Variants in SPIDR observed in about 807,000 individuals in gnomAD.
SPIDR encodes the protein scaffold protein involved in DNA repair, also known as DNA repair-scaffolding protein.
A neutral mutation model predicts 104.6 loss-of-function variants in SPIDR; 93 were observed. The observed-to-expected ratio is 0.89, with a 90% CI of 0.75 to 1.06. SPIDR has a LOEUF of 1.06. Among genes scored for constraint, SPIDR ranks in the 50% least tolerant of loss-of-function variants. The pLI is 0.00. For missense variants in SPIDR, 1,154 were observed against 1,111.2 expected, an observed-to-expected ratio of 1.04 and a Z score of -0.55; for synonymous variants, 431 against 416.9, an observed-to-expected ratio of 1.03 and a Z score of -0.41.
chr8:47,492,065 T>C (rs1269094938), intron 8 of SPIDR, among the ~76,000 whole-genome samples: 2 of 151,024 alleles, frequency 1.3e-5, no homozygotes, highest in African/African-American at 4.9e-5. Context: ...CTCCCCAACC[T>C]GAAAAGAGAA....
At chr8:47,654,061 A>T in intron 10 of SPIDR, 1 of 1,289,652 alleles carries the variant, frequency 7.8e-7, no homozygotes, top group Non-Finnish European at 1.0e-6. Context: ...GGGGCGTGGT[A>T]GCAGCATCTT....
At chr8:47,552,068 T>C (rs554603034) in intron 8 of SPIDR, among the ~76,000 whole-genome samples, 2 of 152,304 alleles carry the variant, frequency 1.3e-5, no homozygotes, top group African/African-American at 4.8e-5. Context: ...AGTTCCCATG[T>C]AGTAGAGTGG....
chr8:47,542,089 A>G (rs1450890789), intron 8 of SPIDR, among the ~76,000 whole-genome samples: 3 of 152,128 alleles, frequency 2.0e-5, no homozygotes, highest in Non-Finnish European at 4.4e-5. Flanking sequence ...ATGAAGGTCT[A>G]CAAAGTCTCA....
intron 3 of SPIDR, 87 bp downstream of exon 3, chr8:47,284,181 A>G (rs993797669): frequency 4.3e-5 from 47 of 1,097,338 alleles, no homozygotes; most frequent in Non-Finnish European, 5.8e-5. Context: ...TGTTTTAAAA[A>G]AGTGACATGG....
intron 10 of SPIDR, among the ~76,000 whole-genome samples, chr8:47,617,813 A>G (rs965695378): frequency 6.6e-6 from 1 of 152,182 alleles, no homozygotes; most frequent in Non-Finnish European, 1.5e-5. Flanking sequence ...TTTCCAAAAT[A>G]CTGACCTTAG....
intron 5 of SPIDR, among the ~76,000 whole-genome samples, chr8:47,336,544 T>A (rs2049790680): frequency 6.6e-6 from 1 of 152,162 alleles, no homozygotes. Context: ...AAGGAAGCAA[T>A]CATGATGAAG....
At chr8:47,420,759 T>C (rs1554679682) in intron 7 of SPIDR, among the ~76,000 whole-genome samples, 1 of 152,196 alleles carries the variant, frequency 6.6e-6, no homozygotes. Context: ...GTACCAGTTA[T>C]TCCTTTTCAT....
intron 5 of SPIDR, among the ~76,000 whole-genome samples, chr8:47,329,491 G>A (rs1313455596): frequency 6.6e-6 from 1 of 152,150 alleles, no homozygotes; most frequent in Non-Finnish European, 1.5e-5. Context: ...ACAGGTGTGA[G>A]CCACTGTACC....
intron 11 of SPIDR, among the ~76,000 whole-genome samples, chr8:47,684,144 A>C (rs2077450162): frequency 6.6e-6 from 1 of 151,524 alleles, no homozygotes; most frequent in Non-Finnish European, 1.5e-5. Context: ...AAAAAAAAAA[A>C]AAAAAAACCT....
intron 8 of SPIDR, among the ~76,000 whole-genome samples, chr8:47,585,937 A>AT (rs1471431502): frequency 1.3e-5 from 2 of 152,176 alleles, no homozygotes; most frequent in Non-Finnish European, 2.9e-5. Context: ...AAGCTTCAAC[A>AT]TGAGTTTTGG....
chr8:47,314,681 G>A (rs113456260), intron 5 of SPIDR, among the ~76,000 whole-genome samples: 4,724 of 152,228 alleles, frequency 0.031, 204 homozygotes, highest in African/African-American at 0.1. Context: ...CTTCCACGAC[G>A]TGTGAGGATT....
intron 5 of SPIDR, among the ~76,000 whole-genome samples, chr8:47,310,451 T>C (rs947521639): frequency 1.3e-5 from 2 of 152,200 alleles, no homozygotes; most frequent in East Asian, 3.9e-4. Context: ...TCGGACTACC[T>C]TTCCTGAAAA....
intron 11 of SPIDR, among the ~76,000 whole-genome samples, chr8:47,696,934 G>A (rs1360564380): frequency 2.0e-5 from 3 of 152,178 alleles, no homozygotes; most frequent in African/African-American, 7.2e-5. Flanking sequence ...AGCATCATGG[G>A]GTTGGAGTGT....
chr8:47,267,821 C>G (rs1406448400), intron 1 of SPIDR, among the ~76,000 whole-genome samples: 1 of 152,064 alleles, frequency 6.6e-6, no homozygotes, highest in Non-Finnish European at 1.5e-5. Flanking sequence ...TATTGAAGTA[C>G]AAATGTTTTT....
chr8:47,470,550 C>G lies in SPIDR; in HGVS notation c.1097+30008C>G, dbSNP rs557401108. ...CTGCCCACCTCAGCCTCCCAAACTG[C>G]TGGTCAGTTACGAGCTACCACGCCT... On this transcript the variant is annotated intron_variant, in intron 8 of 19. Coordinates refer to ENST00000297423, the MANE Select transcript of SPIDR (RefSeq NM_001080394.4). 1.3e-4 allele frequency among the ~76,000 whole-genome samples: 20 copies of G among 152,160 alleles called. No individual in the cohort carries two copies. The East Asian group carries it at 3.7e-3, about 28-fold the overall frequency.
At chr8:47,668,657 C>A (rs1250735206) in intron 10 of SPIDR, among the ~76,000 whole-genome samples, 1 of 152,064 alleles carries the variant, frequency 6.6e-6, no homozygotes, top group Non-Finnish European at 1.5e-5. Context: ...CCAGCATTGC[C>A]CTGAAGGTCC....
At chr8:47,729,252 T>A in intron 18 of SPIDR, 160 bp from the exon 19 acceptor site, 1 of 1,436,144 alleles carries the variant, frequency 7.0e-7, no homozygotes, top group Non-Finnish European at 9.4e-7. Context: ...GAACACAGTC[T>A]CTCCATGTTA....
At chr8:47,677,582 G>A (rs2076600132) in intron 11 of SPIDR, among the ~76,000 whole-genome samples, 1 of 152,196 alleles carries the variant, frequency 6.6e-6, no homozygotes, top group Non-Finnish European at 1.5e-5. Flanking sequence ...TTACTGAAGA[G>A]CATTTTGTCA....
intron 5 of SPIDR, among the ~76,000 whole-genome samples, chr8:47,353,218 C>T (rs1287613015): frequency 6.6e-6 from 1 of 151,994 alleles, no homozygotes; most frequent in African/African-American, 2.4e-5. Flanking sequence ...GTGTAGACTG[C>T]CTGCATACTT....
Sources: allele counts gnomAD v4.1 joint callset (sites outside exome capture counted in the v4.1 genomes callset), GRCh38; gene constraint gnomAD v4.1.1; transcripts MANE v1.5; gene names NCBI Gene and HGNC (gene_info 2026-07-23, HGNC 2026-07-21).